The following CCSER1 variants were observed in gnomAD, a reference collection of about 807,000 sequenced individuals.
CCSER1 encodes the protein serine-rich coiled-coil domain-containing protein 1.
In CCSER1, 41 loss-of-function variants were observed where a neutral mutation model predicts 82.0. The observed-to-expected ratio is 0.50, with a 90% CI of 0.39 to 0.65. The LOEUF (loss-of-function observed/expected upper bound fraction) is 0.65. Ranked by LOEUF, CCSER1 falls within the 30% of genes least tolerant of loss-of-function variation. The probability of loss-of-function intolerance (pLI) is 0.00; values close to 1 mark genes in which losing one functional copy is unlikely to be tolerated. For missense variants in CCSER1, 1,119 were observed against 1,064.2 expected (o/e 1.05, Z -0.72); for synonymous variants, 414 against 383.9 (o/e 1.08, Z -0.92).
At position 90,923,461 on chromosome 4, in the gene CCSER1, T is replaced by G. The variant is rs767962303; in HGVS notation, c.2172+14T>G. 6.6e-5 allele frequency: 102 copies of G among 1,534,450 alleles called. No individual in the cohort carries two copies. The highest frequency in any genetic ancestry group is 8.9e-5 in the Non-Finnish European group (101 of 1,131,684). On this transcript the variant is annotated intron_variant, in intron 9 of 10. Coordinates refer to ENST00000509176, the MANE Select transcript of CCSER1 (RefSeq NM_001145065.2). ...CTATGCTATGATGTAAGTAGCTCTG[T>G]AAAACCATTTTTAACTTCATTATTG...
chr4:91,303,341 G>C (rs1395742718), intron 10 of CCSER1, among the ~76,000 whole-genome samples: 1 of 152,012 alleles, frequency 6.6e-6, no homozygotes, highest in Non-Finnish European at 1.5e-5. Flanking sequence ...CCATGTCACA[G>C]CCACAAAGAG....
chr4:91,258,189 C>T (rs1393739391), intron 10 of CCSER1, among the ~76,000 whole-genome samples: 1 of 152,044 alleles, frequency 6.6e-6, no homozygotes, highest in Non-Finnish European at 1.5e-5. Flanking sequence ...TTCGAGTCAG[C>T]TGAGTAGAAA....
chr4:90,166,024 C>CT (rs1307750000), intron 1 of CCSER1, among the ~76,000 whole-genome samples: 2 of 151,988 alleles, frequency 1.3e-5, no homozygotes, highest in African/African-American at 4.8e-5. Flanking sequence ...CGGTCCCTAA[C>CT]TTAAGATGGT....
At chr4:90,969,670 A>C (rs1282941155) in intron 9 of CCSER1, among the ~76,000 whole-genome samples, 2 of 152,000 alleles carry the variant, frequency 1.3e-5, no homozygotes, top group African/African-American at 4.8e-5. Flanking sequence ...GCCTTAAAAA[A>C]TGGTAAAGGG....
At chr4:90,777,924 G>T (rs1753156796) in intron 7 of CCSER1, among the ~76,000 whole-genome samples, 1 of 152,012 alleles carries the variant, frequency 6.6e-6, no homozygotes, top group Non-Finnish European at 1.5e-5. Flanking sequence ...CAATTTTAAG[G>T]GCTAGATTTG....
chr4:90,272,980 G>A (rs780184091), intron 1 of CCSER1, among the ~76,000 whole-genome samples: 1 of 151,902 alleles, frequency 6.6e-6, no homozygotes, highest in Non-Finnish European at 1.5e-5. Context: ...TCCAGCCTGG[G>A]TGACAGAGTG....
chr4:90,620,604 G>C (rs1579521474), intron 5 of CCSER1, among the ~76,000 whole-genome samples: 1 of 152,076 alleles, frequency 6.6e-6, no homozygotes, highest in South Asian at 2.1e-4. Context: ...CTTACTTCTA[G>C]ATTTAATGTC....
At chr4:90,461,999 A>G (rs1433553978) in intron 4 of CCSER1, among the ~76,000 whole-genome samples, 2 of 152,178 alleles carry the variant, frequency 1.3e-5, no homozygotes, top group Non-Finnish European at 2.9e-5. Context: ...CTTTTGCTCA[A>G]TGTGTGCTAT....
chr4:91,017,712 A>G (rs1739554836), intron 9 of CCSER1, among the ~76,000 whole-genome samples: 1 of 152,082 alleles, frequency 6.6e-6, no homozygotes, highest in African/African-American at 2.4e-5. Flanking sequence ...CAATGAAATA[A>G]CTTAGAAATT....
At chr4:90,845,223 G>A (rs914418817) in intron 8 of CCSER1, among the ~76,000 whole-genome samples, 15 of 152,056 alleles carry the variant, frequency 9.9e-5, no homozygotes, top group African/African-American at 2.9e-4. Flanking sequence ...TTAGCCTGGC[G>A]TGGTGACACG....
intron 10 of CCSER1, among the ~76,000 whole-genome samples, chr4:91,541,889 G>A (rs1008795034): frequency 6.6e-6 from 1 of 152,126 alleles, no homozygotes; most frequent in African/African-American, 2.4e-5. Flanking sequence ...TCCAGCACCT[G>A]TTGTTTCCTG....
intron 10 of CCSER1, among the ~76,000 whole-genome samples, chr4:91,131,414 T>A (rs966841760): frequency 6.6e-6 from 1 of 151,696 alleles, no homozygotes; most frequent in African/African-American, 2.4e-5. Flanking sequence ...CTGACCTGGT[T>A]GTATCTGATA....
In CCSER1 at chr4:90,327,171, G is replaced by A. The variant is rs186877839; in HGVS notation, c.1509+14124G>A. The stretch of plus-strand genomic sequence containing the variant: ...CCTGTAAGAGGGAAAATGGATCACA[G>A]GCTAGCTGCTTAACTCAGGCAGCAA... On this transcript the variant is annotated intron_variant, in intron 3 of 10. Transcript: ENST00000509176. Among the ~76,000 whole-genome samples, 376 of 152,238 alleles carry A rather than the reference G, an allele frequency of 2.5e-3. 2 individuals are homozygous for A. The highest frequency in any genetic ancestry group is 8.5e-3 in the African/African-American group (353 of 41,542).
chr4:91,235,452 C>G (rs558869122), intron 10 of CCSER1, among the ~76,000 whole-genome samples: 8 of 152,176 alleles, frequency 5.3e-5, no homozygotes, highest in African/African-American at 1.9e-4. Context: ...TTACTCTAGC[C>G]TAAATTTGAT....
intron 10 of CCSER1, among the ~76,000 whole-genome samples, chr4:91,310,524 G>A (rs559417212): frequency 2.5e-4 from 38 of 151,882 alleles, no homozygotes; most frequent in African/African-American, 8.7e-4. Flanking sequence ...TGGTCTTCCC[G>A]ATGAGCATGA....
chr4:91,005,143 C>T (rs1276328991), intron 9 of CCSER1, among the ~76,000 whole-genome samples: 3 of 152,242 alleles, frequency 2.0e-5, no homozygotes, highest in South Asian at 4.1e-4. Context: ...TGTTATCTAC[C>T]TTTCAAATCA....
At chr4:90,490,372 TG>T (rs1398428226) in intron 5 of CCSER1, among the ~76,000 whole-genome samples, 4 of 152,214 alleles carry the variant, frequency 2.6e-5, no homozygotes, top group Non-Finnish European at 5.9e-5. Context: ...TGGGGTTGTT[TG>T]TTTTTTTCTT....
chr4:90,872,706 GT>G (rs1220013250), intron 8 of CCSER1, among the ~76,000 whole-genome samples: 1 of 151,786 alleles, frequency 6.6e-6, no homozygotes, highest in Non-Finnish European at 1.5e-5. Context: ...ACTATTACCG[GT>G]GAACTTTGTA....
chr4:90,329,833 A>T (rs1257392005), intron 3 of CCSER1, among the ~76,000 whole-genome samples: 1 of 152,188 alleles, frequency 6.6e-6, no homozygotes, highest in East Asian at 1.9e-4. Context: ...GGCTATTTAC[A>T]GAGAAATTTA....
Sources: gnomAD v4.1 joint callset for allele counts (sites outside exome capture counted in the v4.1 genomes callset) on GRCh38, gnomAD v4.1.1 for gene constraint, MANE v1.5 for transcripts, NCBI Gene and HGNC (gene_info 2026-07-23, HGNC 2026-07-21) for gene names.